Variants in GRSF1 observed in about 807,000 individuals in gnomAD.
The protein encoded by GRSF1 is G-rich RNA sequence binding factor 1.
Under a neutral mutation model 51.1 loss-of-function variants are expected in GRSF1, and 50 were observed. The ratio of observed to expected loss-of-function variants is 0.98; its 90% confidence interval spans 0.78 to 1.24. The LOEUF is 1.24. Ranked by LOEUF, GRSF1 falls within the 50% of genes most tolerant of loss-of-function variation. The pLI is 0.00. For synonymous variants in GRSF1, 293 were observed against 253.3 expected, an observed-to-expected ratio of 1.16 and a Z score of -1.49; for missense variants, 700 against 639.7, an observed-to-expected ratio of 1.09 and a Z score of -1.02.
intron 5 of GRSF1, among the ~76,000 whole-genome samples, chr4:70,828,697 T>C (rs1733831101): frequency 6.6e-6 from 1 of 151,440 alleles, no homozygotes; most frequent in African/African-American, 2.4e-5. Flanking sequence ...GCCTCCTGAG[T>C]AGCTGGGGAC....
intron 7 of GRSF1, 124 bp downstream of exon 7, chr4:70,826,000 T>C (rs2148837987): frequency 5.2e-6 from 4 of 770,210 alleles, no homozygotes; most frequent in Non-Finnish European, 8.5e-6. Context: ...ACCAGGAAGA[T>C]GCCATCTTAC....
Position 70,816,176 on chromosome 4 carries a change from GCTTTTACATCAAAA to G in GRSF1, c.*4697_*4710del, listed in dbSNP as rs1395625683. On this transcript the variant is annotated 3_prime_UTR_variant, in exon 10 of 10. Coordinates refer to ENST00000254799, the MANE Select transcript of GRSF1 (RefSeq NM_002092.4). ...CCAGACATAGGGGTTTGAGTTACAT[GCTTTTACATCAAAA>G]CTCATCAAATGAGTCTGGGTATGGT... 1.3e-5 allele frequency: 2 copies of G among 151,864 alleles called. No individual in the cohort carries two copies. Among genetic ancestry groups the G allele is most frequent in the Non-Finnish European group, 2.9e-5 (2 of 67,968 alleles). The allele number at this position is 151,864 out of a possible 1,614,324, so 9.4% of individuals were successfully genotyped here.
At chr4:70,832,261 G>C in intron 4 of GRSF1, 46 bp downstream of exon 4, 1 of 1,561,866 alleles carries the variant, frequency 6.4e-7, no homozygotes, top group Non-Finnish European at 8.8e-7. Context: ...GAGATACCAA[G>C]GGAAAAAAGA....
Position 70,833,266 on chromosome 4 carries a change from T to C in GRSF1, c.522A>G (p.Arg174=). 6.2e-7 allele frequency: 1 copy of C among 1,613,634 alleles called. No homozygotes were observed. The highest frequency in any genetic ancestry group is 1.1e-5 in the South Asian group (1 of 90,982). ...EDVLNFFSDC[R]IRNGENGIHF... ...GTATTCCATTCTCACCGTTGCGGAT[T>C]CTGCAGTCTAAAAGTGTATGAGCAA... Residue 174 remains arginine (R), a synonymous_variant, in exon 3 of 10, where the codon AGA becomes AGG. Transcript: ENST00000254799.
intron 2 of GRSF1, among the ~76,000 whole-genome samples, chr4:70,835,461 T>A (rs1378190037): frequency 0.015 from 2,092 of 142,520 alleles, 71 homozygotes; most frequent in African/African-American, 0.049. Flanking sequence ...TATGATGGAT[T>A]TTTTTTTTTT....
chr4:70,831,416 G>A (rs1310053797), intron 5 of GRSF1, 123 bp downstream of exon 5: 1 of 745,792 alleles, frequency 1.3e-6, no homozygotes. Flanking sequence ...GGCATTTGAT[G>A]GCTCACTACA....
At chr4:70,839,103 T>C in intron 1 of GRSF1, 1 of 1,290,142 alleles carries the variant, frequency 7.8e-7, no homozygotes, top group Non-Finnish European at 1.0e-6. Flanking sequence ...GGCTCGGGCC[T>C]CGCAACTTCA....
intron 5 of GRSF1, 62 bp from the exon 6 acceptor site, chr4:70,828,098 T>C: frequency 8.5e-7 from 1 of 1,175,800 alleles, no homozygotes; most frequent in African/African-American, 1.5e-5. Context: ...CTGAACTCAT[T>C]TAAAATAAAC....
intron 1 of GRSF1, chr4:70,839,082 A>T: frequency 4.0e-6 from 5 of 1,253,842 alleles, no homozygotes; most frequent in Non-Finnish European, 5.2e-6. Flanking sequence ...GAAACTCCCA[A>T]CCCTCCGGCG....
At chr4:70,826,063 A>C in intron 7 of GRSF1, 61 bp downstream of exon 7, 1 of 1,415,880 alleles carries the variant, frequency 7.1e-7, no homozygotes, top group Non-Finnish European at 9.8e-7. Context: ...AAATTAATAC[A>C]AGTTCAATTT....
At chr4:70,834,405 A>G (rs1734110643) in intron 2 of GRSF1, among the ~76,000 whole-genome samples, 1 of 152,214 alleles carries the variant, frequency 6.6e-6, no homozygotes, top group Admixed American at 6.5e-5. Context: ...TGTATTACAT[A>G]AAGAGTCACC....
chr4:70,837,165 C>T (rs1734247298), intron 1 of GRSF1, among the ~76,000 whole-genome samples: 1 of 152,204 alleles, frequency 6.6e-6, no homozygotes, highest in Non-Finnish European at 1.5e-5. Context: ...TGTGAGGCTA[C>T]AGACTTGTAA....
rs1165329672 is a variant in GRSF1, at chr4:70,824,270, C to T, written c.*25+24G>A. The T allele has an allele frequency of 4.0e-6, 4 of 992,984 alleles. No homozygotes were observed. In the Admixed American group the frequency reaches 5.9e-5, roughly 15 times the overall value. The allele number at this position is 992,984 out of a possible 1,614,324, so 61.5% of individuals were successfully genotyped here. A position where few individuals can be genotyped will look rare whatever the true frequency, so the allele number is the denominator to read the frequency against. On this transcript the variant is annotated intron_variant, in intron 9 of 9. Coordinates refer to ENST00000254799, the MANE Select transcript of GRSF1 (RefSeq NM_002092.4). ...CAGGTGTGAGCCACTGCACCCAGCC[C>T]ACAGTATTACCTCTTAAATTTACCT...
chr4:70,836,101 T>C, intron 2 of GRSF1, 57 bp downstream of exon 2: 2 of 1,020,688 alleles, frequency 2.0e-6, no homozygotes, highest in Non-Finnish European at 2.7e-6. Context: ...ACATACCTGC[T>C]TGTGAGAAAC....
At position 70,837,666 on chromosome 4, in the gene GRSF1, G is replaced by A. The variant is rs562971776; in HGVS notation, c.358-1352C>T. On this transcript the variant is annotated intron_variant, in intron 1 of 9. Coordinates refer to ENST00000254799, the MANE Select transcript of GRSF1 (RefSeq NM_002092.4). ...TTCTTTTCTTTTTTCTTGAGACGGAGTTTCGCTCTTGTCGCCCAGACTAGA... is the reference window on the plus strand; with the variant it reads ...TTCTTTTCTTTTTTCTTGAGACGGAATTTCGCTCTTGTCGCCCAGACTAGA... 2.6e-5 allele frequency among the ~76,000 whole-genome samples: 4 copies of A among 151,274 alleles called. No individual in the cohort carries two copies. In the East Asian group the frequency reaches 8.0e-4, roughly 30 times the overall value.
chr4:70,829,724 G>C (rs1006538716), intron 5 of GRSF1, among the ~76,000 whole-genome samples: 7 of 152,142 alleles, frequency 4.6e-5, no homozygotes, highest in Admixed American at 1.3e-4. Flanking sequence ...AGGACTGCTT[G>C]AGCCCAGAAG....
At chr4:70,827,059 C>A (rs1467178642) in intron 6 of GRSF1, among the ~76,000 whole-genome samples, 1 of 151,778 alleles carries the variant, frequency 6.6e-6, no homozygotes, top group Non-Finnish European at 1.5e-5. Context: ...AAGCAGAGGC[C>A]GGCAGATCAC....
chr4:70,827,986 C>T lies in GRSF1; in HGVS notation c.1001G>A (p.Gly334Asp). The T allele has an allele frequency of 6.2e-7, 1 of 1,613,532 alleles. No individual in the cohort carries two copies. The highest frequency in any genetic ancestry group is 8.5e-7 in the Non-Finnish European group (1 of 1,179,564). ...SRRNEVRTHV[G>D]SYKGKKIASF... ...TGCGATTTTCTTTCCCTTATAAGAA[C>T]CGACATGTGTTCGAACTTCATTCCT... Residue 334 changes from glycine (G) to aspartate (D), a missense_variant, in exon 6 of 10, where the codon GGT becomes GAT. Physicochemically the swap from Gly to Asp is moderately conservative, Grantham distance 94. Coordinates refer to ENST00000254799, the MANE Select transcript of GRSF1 (RefSeq NM_002092.4).
upstream of GRSF1, among the ~76,000 whole-genome samples, chr4:70,840,557 G>C (rs1734426397): frequency 6.6e-6 from 1 of 152,190 alleles, no homozygotes; most frequent in Non-Finnish European, 1.5e-5. Context: ...GAGGTCAGCA[G>C]TTCAAGACCA....
Sources: gnomAD v4.1 joint callset for allele counts (sites outside exome capture counted in the v4.1 genomes callset) on GRCh38, gnomAD v4.1.1 for gene constraint, MANE v1.5 for transcripts, NCBI Gene and HGNC (gene_info 2026-07-23, HGNC 2026-07-21) for gene names.